ZBTB7C: variants seen among roughly 807,000 people sequenced by gnomAD.
ZBTB7C encodes zinc finger and BTB domain-containing protein 7C.
In ZBTB7C, 8 loss-of-function variants were observed where a neutral mutation model predicts 25.7. The observed-to-expected ratio is 0.31, with a 90% CI of 0.18 to 0.56. The LOEUF (loss-of-function observed/expected upper bound fraction) is 0.56. ZBTB7C is among the 20% of genes least tolerant of loss of function. ZBTB7C has a pLI of 0.91. For synonymous variants in ZBTB7C, 394 were observed against 369.0 expected (o/e 1.07, Z -0.78); for missense variants, 824 against 855.2 (o/e 0.96, Z 0.46).
intron 1 of ZBTB7C, 27 bp downstream of exon 1, chr18:48,409,179 GCGACCCCGGCAGCCGGCGCC>G (rs2048350825): frequency 6.9e-6 from 1 of 144,260 alleles, no homozygotes; most frequent in Non-Finnish European, 1.5e-5. Context: ...TGTGGAGATC[GCGACCCCGGCAGCCGGCGCC>G]CGAGCCCGGC....
At chr18:48,233,639 G>A (rs192952721) in intron 2 of ZBTB7C, among the ~76,000 whole-genome samples, 23 of 152,308 alleles carry the variant, frequency 1.5e-4, no homozygotes, top group African/African-American at 4.8e-4. Flanking sequence ...ACTCAGAAAC[G>A]CAGCTACAAC....
intron 2 of ZBTB7C, among the ~76,000 whole-genome samples, chr18:48,231,878 CTTG>C: frequency 1.3e-5 from 2 of 152,326 alleles, no homozygotes; most frequent in South Asian, 4.1e-4. Flanking sequence ...ATGTAAGCTT[CTTG>C]TGGTAGGGTC....
chr18:48,326,652 C>T (rs1284259016), intron 2 of ZBTB7C, among the ~76,000 whole-genome samples: 1 of 151,818 alleles, frequency 6.6e-6, no homozygotes. Context: ...GGAGGTATTT[C>T]CAAGATGTAT....
intron 2 of ZBTB7C, among the ~76,000 whole-genome samples, chr18:48,303,078 G>A (rs1399867398): frequency 6.6e-6 from 1 of 152,188 alleles, no homozygotes; most frequent in Non-Finnish European, 1.5e-5. Context: ...AGTGCTTAAT[G>A]TGCACCCATG....
At chr18:48,186,888 G>A (rs971074279) in intron 2 of ZBTB7C, among the ~76,000 whole-genome samples, 1 of 152,182 alleles carries the variant, frequency 6.6e-6, no homozygotes, top group African/African-American at 2.4e-5. Context: ...TACCAAGCAA[G>A]GGCACAAAGC....
At chr18:48,289,498 T>A (rs1325699372) in intron 2 of ZBTB7C, among the ~76,000 whole-genome samples, 1 of 151,014 alleles carries the variant, frequency 6.6e-6, no homozygotes, top group Non-Finnish European at 1.5e-5. Context: ...ATAAACACGG[T>A]ATGATTTTTT....
At chr18:48,051,978 T>C (rs536237939) in intron 3 of ZBTB7C, among the ~76,000 whole-genome samples, 2 of 152,368 alleles carry the variant, frequency 1.3e-5, no homozygotes, top group East Asian at 3.9e-4. Context: ...ACCTCTTTCA[T>C]GTTCAAAATA....
At chr18:48,228,668 A>G (rs1464684539) in intron 2 of ZBTB7C, among the ~76,000 whole-genome samples, 1 of 151,774 alleles carries the variant, frequency 6.6e-6, no homozygotes, top group Non-Finnish European at 1.5e-5. Flanking sequence ...GCCAGGAGTC[A>G]GGAGGCTCTG....
chr18:48,096,698 G>A (rs534310507), intron 3 of ZBTB7C, among the ~76,000 whole-genome samples: 19 of 152,282 alleles, frequency 1.2e-4, no homozygotes, highest in African/African-American at 4.1e-4. Flanking sequence ...GAATCTCCAC[G>A]TGATCATGAA....
chr18:48,248,688 C>T (rs1424850627), intron 2 of ZBTB7C, among the ~76,000 whole-genome samples: 5 of 152,050 alleles, frequency 3.3e-5, no homozygotes, highest in East Asian at 1.9e-4. Context: ...GAAGAATATC[C>T]GGCCCACAAA....
intron 3 of ZBTB7C, among the ~76,000 whole-genome samples, chr18:48,133,003 G>A (rs971532742): frequency 2.3e-4 from 35 of 152,194 alleles, no homozygotes; most frequent in Admixed American, 2.2e-3. Context: ...ATCATGTGCC[G>A]TATTATTAGG....
At position 48,029,509 on chromosome 18, in the gene ZBTB7C, C is replaced by T. The variant is rs571871182; in HGVS notation, c.1611G>A (p.Ala537=). 13 of 1,588,214 alleles carry T rather than the reference C, an allele frequency of 8.2e-6. No individual in the cohort carries two copies. The highest frequency in any genetic ancestry group is 6.8e-6 in the Non-Finnish European group (8 of 1,173,712). Reference sequence around the variant, plus strand: ...CTTGCAGGCTCAGGGCGCCCTTGGGCGCTGCCAGGAAGTGCTTGGCGGGGC... The same window carrying T: ...CTTGCAGGCTCAGGGCGCCCTTGGGTGCTGCCAGGAAGTGCTTGGCGGGGC... ...GPSPAKHFLA[A]PKGALSLQEL... Residue 537 remains alanine, a synonymous_variant, in exon 5 of 5, where the codon GCG becomes GCA. Coordinates refer to ENST00000590800, the MANE Select transcript of ZBTB7C (RefSeq NM_001318841.2).
intron 3 of ZBTB7C, among the ~76,000 whole-genome samples, chr18:48,042,406 C>T (rs1203323148): frequency 6.6e-6 from 1 of 152,176 alleles, no homozygotes; most frequent in Non-Finnish European, 1.5e-5. Context: ...AAGCCCTGGC[C>T]CTTATCTTGG....
chr18:48,338,559 C>T (rs899187453), intron 1 of ZBTB7C, among the ~76,000 whole-genome samples, 161 bp from the exon 2 acceptor site: 1 of 152,184 alleles, frequency 6.6e-6, no homozygotes, highest in Admixed American at 6.5e-5. Context: ...AGGGTTTTCA[C>T]TGACAGTGTC....
At chr18:48,238,140 T>C (rs1007364645) in intron 2 of ZBTB7C, among the ~76,000 whole-genome samples, 2 of 151,028 alleles carry the variant, frequency 1.3e-5, no homozygotes, top group African/African-American at 4.9e-5. Flanking sequence ...GAAGGGGGAG[T>C]TTCCAGCGAT....
intron 2 of ZBTB7C, among the ~76,000 whole-genome samples, chr18:48,286,523 TTAATA>T (rs140918824): frequency 0.026 from 3,886 of 152,108 alleles, 162 homozygotes; most frequent in African/African-American, 0.089. Flanking sequence ...GGAAAATATA[TTAATA>T]TAATAATTCT....
intron 3 of ZBTB7C, among the ~76,000 whole-genome samples, chr18:48,110,804 G>C (rs73956492): frequency 0.065 from 9,901 of 152,176 alleles, 1,077 homozygotes; most frequent in African/African-American, 0.22. Context: ...GGAAAAGAAG[G>C]GCCCCAGGAG....
chr18:48,333,467 G>A (rs959923414), intron 2 of ZBTB7C, among the ~76,000 whole-genome samples: 1 of 152,116 alleles, frequency 6.6e-6, no homozygotes, highest in Admixed American at 6.5e-5. Flanking sequence ...AGACTCTCAT[G>A]CCCATTTAAT....
At chr18:48,090,676 C>T (rs2038377925) in intron 3 of ZBTB7C, among the ~76,000 whole-genome samples, 1 of 151,220 alleles carries the variant, frequency 6.6e-6, no homozygotes, top group Admixed American at 6.5e-5. Flanking sequence ...CTACCAAAGC[C>T]TTCACTTCCA....
Sources: allele counts gnomAD v4.1 joint callset (sites outside exome capture counted in the v4.1 genomes callset), GRCh38; gene constraint gnomAD v4.1.1; transcripts MANE v1.5; gene names NCBI Gene and HGNC (gene_info 2026-07-23, HGNC 2026-07-21).